The following TMEFF2 variants were observed in gnomAD, a reference collection of about 807,000 sequenced individuals.
The protein encoded by TMEFF2 is tomoregulin-2.
Under a neutral mutation model 53.8 loss-of-function variants are expected in TMEFF2, and 28 were observed. The ratio of observed to expected loss-of-function variants is 0.52; its 90% CI spans 0.39 to 0.71. TMEFF2 has a LOEUF of 0.71. Ranked by LOEUF, TMEFF2 falls within the 30% of genes least tolerant of loss-of-function variation. The probability of loss-of-function intolerance (pLI) is 0.00; values close to 1 mark genes in which losing one functional copy is unlikely to be tolerated. For missense variants in TMEFF2, 353 were observed against 455.2 expected (o/e 0.78, Z 2.04); for synonymous variants, 162 against 166.3 (o/e 0.97, Z 0.20).
At chr2:192,025,021 A>G (rs1216071755) in intron 5 of TMEFF2, among the ~76,000 whole-genome samples, 1 of 152,188 alleles carries the variant, frequency 6.6e-6, no homozygotes, top group Non-Finnish European at 1.5e-5. Context: ...GTTGCCTATT[A>G]TAAAGGAAAT....
chr2:191,974,650 A>G (rs1438222119), intron 7 of TMEFF2, among the ~76,000 whole-genome samples: 1 of 152,138 alleles, frequency 6.6e-6, no homozygotes, highest in Non-Finnish European at 1.5e-5. Flanking sequence ...GTTTATGCAA[A>G]TGGCATTCTT....
At chr2:192,070,626 A>C (rs887573910) in intron 4 of TMEFF2, among the ~76,000 whole-genome samples, 6 of 151,902 alleles carry the variant, frequency 3.9e-5, no homozygotes, top group African/African-American at 1.4e-4. Flanking sequence ...TATACTTGTC[A>C]CATTGCCAGG....
At chr2:192,027,403 G>C (rs1186152303) in intron 5 of TMEFF2, among the ~76,000 whole-genome samples, 2 of 152,158 alleles carry the variant, frequency 1.3e-5, no homozygotes, top group African/African-American at 4.8e-5. Context: ...ATATATCAGA[G>C]AGGAGCGCTA....
chr2:191,960,964 T>C (rs1692253501), intron 7 of TMEFF2, among the ~76,000 whole-genome samples: 1 of 152,188 alleles, frequency 6.6e-6, no homozygotes, highest in South Asian at 2.1e-4. Flanking sequence ...GAAAGTAACA[T>C]TTATTTCTAT....
chr2:192,041,107 T>G (rs1687468007), intron 5 of TMEFF2, among the ~76,000 whole-genome samples: 1 of 152,076 alleles, frequency 6.6e-6, no homozygotes, highest in African/African-American at 2.4e-5. Flanking sequence ...AACAACAAAG[T>G]AAATTGGAGT....
At chr2:191,997,425 T>C (rs1000698463) in intron 7 of TMEFF2, among the ~76,000 whole-genome samples, 1 of 151,796 alleles carries the variant, frequency 6.6e-6, no homozygotes, top group Non-Finnish European at 1.5e-5. Flanking sequence ...GATGGTAGTA[T>C]ATATTTTAAA....
intron 4 of TMEFF2, among the ~76,000 whole-genome samples, chr2:192,095,435 G>A (rs2105938479): frequency 6.6e-6 from 1 of 152,160 alleles, no homozygotes; most frequent in African/African-American, 2.4e-5. Context: ...AGACCAGCCT[G>A]GGCAACAAAG....
chr2:192,077,894 A>AT (rs1464292752), intron 4 of TMEFF2, among the ~76,000 whole-genome samples: 1 of 152,002 alleles, frequency 6.6e-6, no homozygotes, highest in African/African-American at 2.4e-5. Flanking sequence ...TTATTTAAAT[A>AT]TTTTTTCTAA....
At chr2:192,056,556 C>A (rs1687916015) in intron 5 of TMEFF2, among the ~76,000 whole-genome samples, 1 of 152,102 alleles carries the variant, frequency 6.6e-6, no homozygotes, top group African/African-American at 2.4e-5. Flanking sequence ...CAGTAGAAAG[C>A]TAAAATGTTG....
intron 5 of TMEFF2, among the ~76,000 whole-genome samples, chr2:192,014,267 A>G (rs1198783932): frequency 6.6e-6 from 1 of 152,200 alleles, no homozygotes; most frequent in Non-Finnish European, 1.5e-5. Context: ...TCAGTAATCA[A>G]TGTGAACGGT....
rs1361986982 is a variant in TMEFF2, at chr2:192,194,464, A to C, written c.61T>G (p.Trp21Gly). 1.9e-6 allele frequency: 3 copies of C among 1,614,040 alleles called. No homozygotes were observed. The Admixed American group carries it at 5.0e-5, about 27-fold the overall frequency. ...AGCATGACGGGCAGCAGCAGCAGCC[A>C]GCAAAAGCCCTCGCAAAGTGTCCAG... ...SSWTLCEGFC[W>G]LLLLPVMLLI... The change falls in exon 1 of 10, where the codon TGG (tryptophan) becomes GGG (glycine). Residue 21 changes from tryptophan (W) to glycine (G), a missense_variant. Trp to Gly is a radical substitution (Grantham distance 184). Coordinates refer to ENST00000272771, the MANE Select transcript of TMEFF2 (RefSeq NM_016192.4). This position sits in a 1 kb window ranked among gnomAD's most constrained non-coding sequence, Gnocchi z 4.2.
At chr2:192,163,881 A>G (rs1374754785) in intron 4 of TMEFF2, among the ~76,000 whole-genome samples, 1 of 152,072 alleles carries the variant, frequency 6.6e-6, no homozygotes, top group Non-Finnish European at 1.5e-5. Context: ...GGCATGTAAC[A>G]TTTTTGTTCA....
chr2:192,101,355 T>C (rs541839859), intron 4 of TMEFF2, among the ~76,000 whole-genome samples: 10 of 152,196 alleles, frequency 6.6e-5, no homozygotes, highest in South Asian at 2.1e-4. Flanking sequence ...TAGCCAAAAA[T>C]GGATTAAAAA....
intron 4 of TMEFF2, among the ~76,000 whole-genome samples, chr2:192,090,200 G>A (rs1258909905): frequency 6.6e-6 from 1 of 152,062 alleles, no homozygotes; most frequent in Non-Finnish European, 1.5e-5. Flanking sequence ...GTGTGCCTTG[G>A]CCTAGTGGTG....
rs921816609 is a variant in TMEFF2 at position 191,953,572 on chromosome 2, G to A, written c.1028+107C>T. Reference sequence around the variant, plus strand: ...TAAGGACATAGGACTCATAGAGAATGGATGGCTGCAGAGTCCATGAAGGAA... The same window carrying A: ...TAAGGACATAGGACTCATAGAGAATAGATGGCTGCAGAGTCCATGAAGGAA... On this transcript the variant is annotated intron_variant, in intron 9 of 9. Coordinates refer to ENST00000272771, the MANE Select transcript of TMEFF2 (RefSeq NM_016192.4). 1.8e-5 allele frequency: 23 copies of A among 1,246,354 alleles called. No individual in the cohort carries two copies. In the African/African-American group the frequency reaches 2.2e-4, roughly 12 times the overall value. The allele number at this position is 1,246,354 out of a possible 1,614,324, so 77.2% of individuals were successfully genotyped here.
chr2:192,021,690 A>G (rs1172859553), intron 5 of TMEFF2, among the ~76,000 whole-genome samples: 1 of 152,188 alleles, frequency 6.6e-6, no homozygotes, highest in Non-Finnish European at 1.5e-5. Context: ...AACTGCCCCC[A>G]AGAGCATCAT....
chr2:192,135,901 C>A (rs1689993853), intron 4 of TMEFF2, among the ~76,000 whole-genome samples: 1 of 151,748 alleles, frequency 6.6e-6, no homozygotes, highest in South Asian at 2.1e-4. Flanking sequence ...CCACTGAGCA[C>A]CTTGTGACCC....
At chr2:192,083,331 A>T (rs2356759) in intron 4 of TMEFF2, among the ~76,000 whole-genome samples, 108,979 of 151,884 alleles carry the variant, frequency 0.72, 41,673 homozygotes, top group Middle Eastern at 0.85. Flanking sequence ...AATCATCTAA[A>T]CTCAGTGTAT....
At chr2:192,193,393 C>A (rs1691508959) in intron 1 of TMEFF2, among the ~76,000 whole-genome samples, 1 of 152,180 alleles carries the variant, frequency 6.6e-6, no homozygotes, top group African/African-American at 2.4e-5. Flanking sequence ...CAGCAACTCC[C>A]ATCCTCTGGC....
Sources: allele counts gnomAD v4.1 joint callset (sites outside exome capture counted in the v4.1 genomes callset), GRCh38; gene constraint gnomAD v4.1.1; non-coding constraint Gnocchi (gnomAD v3.1); transcripts MANE v1.5; gene names NCBI Gene and HGNC (gene_info 2026-07-23, HGNC 2026-07-21).